Variants in SYTL5 observed in about 807,000 individuals in gnomAD.
SYTL5 encodes the protein synaptotagmin like 5, also known as synaptotagmin-like protein 5.
In SYTL5, 34 loss-of-function variants were observed where a neutral mutation model predicts 55.9. The observed-to-expected ratio is 0.61, with a 90% CI of 0.46 to 0.81. The LOEUF (loss-of-function observed/expected upper bound fraction) is 0.81, where lower values mean the gene tolerates loss of function less well. Among genes scored for constraint, SYTL5 ranks in the 30% least tolerant of loss-of-function variants. The pLI is 0.00. For synonymous variants in SYTL5, 221 were observed against 188.7 expected (o/e 1.17, Z -1.40); for missense variants, 637 against 546.7 (o/e 1.17, Z -1.65).
chrX:37,973,188 G>A, the SYTL5 span, among the ~76,000 whole-genome samples: 21 of 111,394 alleles, frequency 1.9e-4, no homozygotes, highest in East Asian at 3.1e-3. Context: ...TTATGCCAGA[G>A]TCAGATTGAA....
At chrX:38,001,779 A>T (rs1232003114), upstream of SYTL5, among the ~76,000 whole-genome samples, 1 of 111,643 alleles carries the variant, frequency 9.0e-6, no homozygotes, top group East Asian at 2.8e-4. Context: ...TATCTCTTGG[A>T]TATACTGATT....
At chrX:37,932,266 C>T in the SYTL5 span, among the ~76,000 whole-genome samples, 1 of 110,801 alleles carries the variant, frequency 9.0e-6, no homozygotes, top group Non-Finnish European at 1.9e-5. Flanking sequence ...ACTGGGATTG[C>T]TGTCACTGTG....
chrX:38,120,369 T>C lies in SYTL5; in HGVS notation c.1608T>C (p.Ala536=). 1 of 1,209,590 alleles carries C rather than the reference T, an allele frequency of 8.3e-7. No individual in the cohort carries two copies. Among genetic ancestry groups the C allele is most frequent in the Non-Finnish European group, 1.1e-6 (1 of 893,510 alleles). ...TTCTCCTTGGCCAGGTGGAGTTTGC[T>C]CCTGATATTGGCCTTCAATACAAAG... ...WFVLQPKVEF[A]PDIGLQYKGE... is the part of the protein sequence containing the mutation. Residue 536 remains alanine (A), a synonymous_variant, in exon 14 of 17, where the codon GCT becomes GCC. Coordinates refer to ENST00000297875, the MANE Select transcript of SYTL5 (RefSeq NM_138780.3).
the SYTL5 span, among the ~76,000 whole-genome samples, chrX:37,892,716 A>ACG: frequency 1.3e-5 from 1 of 77,982 alleles, no homozygotes; most frequent in Non-Finnish European, 2.1e-5. Flanking sequence ...GTATATATGT[A>ACG]TATATTAGTA....
At chrX:38,007,577 T>A (rs1324559721) in intron 1 of SYTL5, among the ~76,000 whole-genome samples, 1 of 111,778 alleles carries the variant, frequency 8.9e-6, no homozygotes, top group Non-Finnish European at 1.9e-5. Flanking sequence ...AAGTACTACT[T>A]CAGTAGTAGC....
At chrX:38,021,525 T>C (rs1934550817) in intron 1 of SYTL5, among the ~76,000 whole-genome samples, 1 of 112,010 alleles carries the variant, frequency 8.9e-6, no homozygotes. Context: ...AACCAATGCA[T>C]GTTGGTTAAA....
intron 15 of SYTL5, 33 bp downstream of exon 15, chrX:38,122,248 T>C: frequency 8.5e-7 from 1 of 1,170,393 alleles, no homozygotes; most frequent in African/African-American, 1.8e-5. Flanking sequence ...TGGATGATAC[T>C]TAATAGGAGA....
the SYTL5 span, among the ~76,000 whole-genome samples, chrX:37,964,410 T>G: frequency 8.9e-6 from 1 of 112,340 alleles, no homozygotes; most frequent in Admixed American, 9.4e-5. Context: ...GATTTGCATA[T>G]GTTGAACCAT....
At chrX:38,063,090 T>G (rs1308468522) in intron 3 of SYTL5, among the ~76,000 whole-genome samples, 1 of 91,029 alleles carries the variant, frequency 1.1e-5, no homozygotes, top group African/African-American at 5.0e-5. Context: ...GTATGTGGAG[T>G]TTTTTTTTTC....
intron 15 of SYTL5, 78 bp downstream of exon 15, chrX:38,122,293 TG>T: frequency 2.1e-6 from 2 of 950,529 alleles, no homozygotes; most frequent in Non-Finnish European, 2.9e-6. Context: ...CACTGGTGGC[TG>T]TGAGCCTTCC....
chrX:37,968,571 T>C, the SYTL5 span, among the ~76,000 whole-genome samples: 1 of 111,517 alleles, frequency 9.0e-6, no homozygotes, highest in South Asian at 3.8e-4. Flanking sequence ...ATAATAGACA[T>C]ATTAGGTGGG....
the SYTL5 span, chrX:37,991,280 A>C: frequency 2.0e-5 from 22 of 1,112,110 alleles, no homozygotes; most frequent in Non-Finnish European, 2.4e-5. Flanking sequence ...TGCTGTTGTC[A>C]TCAACAAGTG....
intron 1 of SYTL5, among the ~76,000 whole-genome samples, chrX:38,008,687 TC>T (rs35958543): frequency 0.26 from 28,758 of 111,105 alleles, 3,063 homozygotes; most frequent in Middle Eastern, 0.34. Flanking sequence ...CCCTACTGCC[TC>T]ACTTTCTCTT....
At chrX:37,895,505 T>TTTCTTTCTTTCTTTC in the SYTL5 span, among the ~76,000 whole-genome samples, 61 of 99,279 alleles carry the variant, frequency 6.1e-4, no homozygotes, top group South Asian at 1.4e-3. Context: ...TCTTTCTTTC[T>TTTCTTTCTTTCTTTC]TTTTCTTTTC....
chrX:38,099,647 G>C (rs1270941576), intron 9 of SYTL5, among the ~76,000 whole-genome samples: 2 of 111,092 alleles, frequency 1.8e-5, no homozygotes, highest in Non-Finnish European at 3.8e-5. Context: ...TGGGCATACT[G>C]TATTGTTTCT....
chrX:37,918,846 T>G, the SYTL5 span, among the ~76,000 whole-genome samples: 6 of 111,024 alleles, frequency 5.4e-5, no homozygotes, highest in Admixed American at 5.8e-4. Flanking sequence ...CAGCACAAAG[T>G]TCACATTCTC....
At chrX:38,101,381 A>G (rs1937079911) in intron 9 of SYTL5, among the ~76,000 whole-genome samples, 1 of 111,129 alleles carries the variant, frequency 9.0e-6, no homozygotes, top group Admixed American at 9.6e-5. Flanking sequence ...AAGCAAGCCC[A>G]GAAGTGTACA....
the SYTL5 span, among the ~76,000 whole-genome samples, chrX:37,935,786 G>A: frequency 8.9e-6 from 1 of 112,302 alleles, no homozygotes; most frequent in East Asian, 2.8e-4. Flanking sequence ...AGGTACACCA[G>A]AAAGTATCTT....
chrX:38,027,420 T>G (rs748139174), intron 1 of SYTL5, among the ~76,000 whole-genome samples: 1 of 111,827 alleles, frequency 8.9e-6, no homozygotes, highest in Non-Finnish European at 1.9e-5. Flanking sequence ...TTTTGTTTCT[T>G]TTGAGATGCA....
Sources: allele counts gnomAD v4.1 joint callset (sites outside exome capture counted in the v4.1 genomes callset), GRCh38; gene constraint gnomAD v4.1.1; transcripts MANE v1.5; gene names NCBI Gene and HGNC (gene_info 2026-07-23, HGNC 2026-07-21).